Variants in LRBA observed in about 807,000 individuals in gnomAD.
LRBA encodes lipopolysaccharide-responsive and beige-like anchor protein.
LRBA carries 176 observed loss-of-function variants against 330.0 expected under a neutral mutation model. The ratio of observed to expected loss-of-function variants is 0.53; its 90% CI spans 0.47 to 0.60. LRBA has a LOEUF of 0.60. Ranked by LOEUF, LRBA falls within the 20% of genes least tolerant of loss-of-function variation. LRBA has a pLI of 0.00. For missense variants in LRBA, 3,259 were observed against 3,444.8 expected (o/e 0.95, Z 1.35); for synonymous variants, 1,230 against 1,193.0 (o/e 1.03, Z -0.64).
At chr4:150,449,845 A>G (rs536091496) in intron 44 of LRBA, among the ~76,000 whole-genome samples, 11 of 152,328 alleles carry the variant, frequency 7.2e-5, no homozygotes, top group Non-Finnish European at 1.6e-4. Context: ...AAATAGAATC[A>G]TAAAAATAAT....
chr4:150,487,796 T>C lies in LRBA; in HGVS notation c.6487A>G (p.Lys2163Glu), dbSNP rs773498116. 3 of 1,597,298 alleles carry C rather than the reference T, an allele frequency of 1.9e-6. No homozygotes were observed. Among genetic ancestry groups the C allele is most frequent in the African/African-American group, 2.7e-5 (2 of 74,616 alleles). ...CGAGGTAGATAGTTAACCACTTTCT[T>C]TACTGTTGCAGGGTCTGGGAAGTTG... ...MFNFPDPATV[K>E]KVVNYLPRVG... The change falls in exon 42 of 57, where the codon AAG (lysine) becomes GAG (glutamate). Residue 2163 changes from lysine to glutamate, a missense_variant. By Grantham distance (56) the Lys-to-Glu change is moderately conservative. Transcript: ENST00000651943.
chr4:150,319,356 G>T (rs1158227117), intron 50 of LRBA, among the ~76,000 whole-genome samples: 3 of 152,096 alleles, frequency 2.0e-5, no homozygotes, highest in Non-Finnish European at 4.4e-5. Context: ...ATCATCATTG[G>T]TGGTCCTGAA....
intron 5 of LRBA, among the ~76,000 whole-genome samples, chr4:150,920,544 C>T (rs1442119120): frequency 6.6e-6 from 1 of 152,030 alleles, no homozygotes; most frequent in Non-Finnish European, 1.5e-5. Flanking sequence ...AGCAAAACTC[C>T]ATCTCAAAAT....
chr4:151,003,885 C>CTGTGTGTGTGTGTG (rs56025404), intron 2 of LRBA, among the ~76,000 whole-genome samples: 1 of 134,112 alleles, frequency 7.5e-6, no homozygotes, highest in Non-Finnish European at 1.6e-5. Context: ...TAGCCAACTG[C>CTGTGTGTGTGTGTG]TGTGTGTGTG....
At chr4:150,474,752 A>G (rs888225463) in intron 42 of LRBA, among the ~76,000 whole-genome samples, 1 of 152,262 alleles carries the variant, frequency 6.6e-6, no homozygotes, top group South Asian at 2.1e-4. Context: ...CCCAGTGCAG[A>G]TATCTTTAAT....
chr4:150,864,993 C>T (rs1403494793), intron 22 of LRBA, among the ~76,000 whole-genome samples: 1 of 152,074 alleles, frequency 6.6e-6, no homozygotes, highest in Admixed American at 6.6e-5. Context: ...AGTTTATACT[C>T]CTCCAGCCAT....
At position 150,928,433 on chromosome 4, in the gene LRBA, A is replaced by G. The variant is rs546793568; in HGVS notation, c.549+83T>C. 2.4e-5 allele frequency: 19 copies of G among 790,080 alleles called. No homozygotes were observed. In the Admixed American group the frequency reaches 4.3e-4, roughly 18 times the overall value. The allele number at this position is 790,080 out of a possible 1,614,324, so 48.9% of individuals were successfully genotyped here. A position where few individuals can be genotyped will look rare whatever the true frequency, so the allele number is the denominator to read the frequency against. ...CAATTTGACAATTATCCCATGTATA[A>G]TAATATCAGTTACTTTACAAGCTAC... is the stretch of plus-strand genomic sequence containing the variant. On this transcript the variant is annotated intron_variant, in intron 4 of 56. Coordinates refer to ENST00000651943, the MANE Select transcript of LRBA (RefSeq NM_001364905.1).
chr4:150,741,527 G>A (rs1277095406), intron 35 of LRBA, among the ~76,000 whole-genome samples: 1 of 152,264 alleles, frequency 6.6e-6, no homozygotes, highest in East Asian at 1.9e-4. Context: ...AAGATGTGAA[G>A]TAACAGGGAC....
chr4:150,361,772 CTT>C (rs568876677), intron 47 of LRBA, among the ~76,000 whole-genome samples: 10 of 139,732 alleles, frequency 7.2e-5, no homozygotes, highest in Admixed American at 1.4e-4. Context: ...CATCATACTA[CTT>C]TTTTTTTTTT....
At chr4:150,969,750 G>A (rs370907230) in intron 2 of LRBA, among the ~76,000 whole-genome samples, 38 of 152,296 alleles carry the variant, frequency 2.5e-4, no homozygotes, top group East Asian at 1.2e-3. Flanking sequence ...GATTACAGGC[G>A]TGAGCCACCA....
chr4:150,808,795 A>G (rs541996714), intron 31 of LRBA, among the ~76,000 whole-genome samples: 4 of 152,344 alleles, frequency 2.6e-5, no homozygotes, highest in Admixed American at 6.5e-5. Flanking sequence ...ATTACCATGA[A>G]AACTATCCGT....
intron 44 of LRBA, among the ~76,000 whole-genome samples, chr4:150,446,781 G>A (rs925310796): frequency 7.2e-5 from 11 of 152,120 alleles, no homozygotes; most frequent in African/African-American, 2.4e-4. Context: ...AAATAAAGGC[G>A]GATGAGATTC....
intron 40 of LRBA, among the ~76,000 whole-genome samples, chr4:150,552,955 G>A (rs1204094543): frequency 6.6e-6 from 1 of 151,806 alleles, no homozygotes; most frequent in Admixed American, 6.6e-5. Flanking sequence ...TGTAGTCTCA[G>A]CTACTTGGGA....
At chr4:150,435,848 T>TAC in intron 45 of LRBA, 140 bp from the exon 46 acceptor site, 1 of 497,276 alleles carries the variant, frequency 2.0e-6, no homozygotes, top group East Asian at 3.3e-5. Context: ...GAGAATTATA[T>TAC]CTAAATTATT....
At chr4:150,277,567 G>A (rs1463945067) in intron 56 of LRBA, among the ~76,000 whole-genome samples, 2 of 151,962 alleles carry the variant, frequency 1.3e-5, no homozygotes, top group Non-Finnish European at 2.9e-5. Flanking sequence ...TTTTAAAAAA[G>A]TGTTCTTGGT....
At chr4:150,776,910 C>A (rs1737417228) in intron 34 of LRBA, among the ~76,000 whole-genome samples, 2 of 151,962 alleles carry the variant, frequency 1.3e-5, no homozygotes, top group African/African-American at 2.4e-5. Flanking sequence ...TGTAACTGGA[C>A]AACAGGTATT....
At chr4:150,605,590 C>G (rs1160990179) in intron 37 of LRBA, among the ~76,000 whole-genome samples, 1 of 152,078 alleles carries the variant, frequency 6.6e-6, no homozygotes, top group Non-Finnish European at 1.5e-5. Context: ...TTAGTTACAA[C>G]TGAAATAAAT....
chr4:150,420,267 G>A lies in LRBA; in HGVS notation c.7042-4677C>T, dbSNP rs138554535. Among the ~76,000 whole-genome samples the A allele has an allele frequency of 8.5e-3, 1,202 of 140,702 alleles. 16 individuals carry two copies. Among genetic ancestry groups the A allele is most frequent in the African/African-American group, 0.03 (1,146 of 37,956 alleles). The allele number at this position is 140,702 out of a possible 152,430, so 92.3% of individuals were successfully genotyped here. On this transcript the variant is annotated intron_variant, in intron 46 of 56. Coordinates refer to ENST00000651943, the MANE Select transcript of LRBA (RefSeq NM_001364905.1). ...AATACATATATATTATACATATATG[G>A]TATATATATAAAGTATATATATAAT...
intron 4 of LRBA, among the ~76,000 whole-genome samples, chr4:150,923,269 T>C: frequency 6.6e-6 from 1 of 152,030 alleles, no homozygotes; most frequent in East Asian, 1.9e-4. Context: ...TTTATCTACT[T>C]CTTTAGCCTC....
Sources: allele counts gnomAD v4.1 joint callset (sites outside exome capture counted in the v4.1 genomes callset), GRCh38; gene constraint gnomAD v4.1.1; transcripts MANE v1.5; gene names NCBI Gene and HGNC (gene_info 2026-07-23, HGNC 2026-07-21).